The following MBD5 variants were observed in gnomAD, a reference collection of about 807,000 sequenced individuals.
MBD5 encodes methyl-CpG binding domain protein 5.
MBD5 carries 13 observed loss-of-function variants against 117.3 expected under a neutral mutation model. The observed-to-expected ratio is 0.11, with a 90% confidence interval of 0.07 to 0.18. The LOEUF (loss-of-function observed/expected upper bound fraction) is 0.18. Ranked by LOEUF, MBD5 falls within the 10% of genes least tolerant of loss-of-function variation. The pLI is 1.00. For synonymous variants in MBD5, 727 were observed against 766.4 expected (o/e 0.95, Z 0.85); for missense variants, 1,879 against 2,093.8 (o/e 0.90, Z 2.00).
chr2:148,323,107 G>C (rs181335566), intron 3 of MBD5, among the ~76,000 whole-genome samples: 1,679 of 151,098 alleles, frequency 0.011, 14 homozygotes, highest in Middle Eastern at 0.021. Flanking sequence ...TTGGTTTTTT[G>C]TTCTTGCGAT....
At chr2:148,381,985 T>A (rs1351512105) in intron 4 of MBD5, among the ~76,000 whole-genome samples, 3 of 152,168 alleles carry the variant, frequency 2.0e-5, no homozygotes, top group Admixed American at 6.5e-5. Context: ...GAACAACCGG[T>A]ACTAGCCACT....
chr2:148,189,028 C>T (rs374077993), intron 2 of MBD5, among the ~76,000 whole-genome samples: 23 of 146,126 alleles, frequency 1.6e-4, no homozygotes, highest in African/African-American at 5.4e-4. Flanking sequence ...CACTCCCACC[C>T]GAATATTGCG....
chr2:148,424,930 C>G (rs547024446), intron 4 of MBD5, among the ~76,000 whole-genome samples: 1 of 151,996 alleles, frequency 6.6e-6, no homozygotes, highest in Non-Finnish European at 1.5e-5. Context: ...CAAGAGAAAG[C>G]GGGAAAGATC....
intron 3 of MBD5, among the ~76,000 whole-genome samples, chr2:148,272,445 T>C (rs922663353): frequency 6.6e-6 from 1 of 151,938 alleles, no homozygotes; most frequent in African/African-American, 2.4e-5. Flanking sequence ...TCAATACTTA[T>C]TTTTTTTGTT....
intron 4 of MBD5, among the ~76,000 whole-genome samples, chr2:148,405,636 C>G (rs1320288584): frequency 2.0e-5 from 3 of 152,182 alleles, no homozygotes; most frequent in African/African-American, 7.2e-5. Context: ...CGCTAAAGGA[C>G]TGAATCTTAG....
intron 3 of MBD5, among the ~76,000 whole-genome samples, chr2:148,248,847 G>A (rs1250141794): frequency 6.6e-6 from 1 of 151,840 alleles, no homozygotes; most frequent in Non-Finnish European, 1.5e-5. Context: ...GTGGTAAGTT[G>A]GTATATAAAA....
At chr2:148,362,487 CA>C (rs1703569721) in intron 4 of MBD5, among the ~76,000 whole-genome samples, 1 of 152,170 alleles carries the variant, frequency 6.6e-6, no homozygotes, top group Non-Finnish European at 1.5e-5. Flanking sequence ...CATCCCCAGT[CA>C]GGGACATATA....
intron 1 of MBD5, among the ~76,000 whole-genome samples, chr2:148,087,416 G>A (rs541929626): frequency 4.7e-4 from 72 of 152,268 alleles, no homozygotes; most frequent in African/African-American, 1.6e-3. Context: ...ACCAGCATTC[G>A]AGAATGCTAG....
At chr2:148,036,746 A>G (rs1694206152) in intron 1 of MBD5, among the ~76,000 whole-genome samples, 3 of 152,096 alleles carry the variant, frequency 2.0e-5, no homozygotes, top group African/African-American at 2.4e-5. Flanking sequence ...AGTGATTCCA[A>G]GTTTCAGGGA....
chr2:148,479,335 T>C (rs1681070309), intron 8 of MBD5, among the ~76,000 whole-genome samples: 1 of 152,158 alleles, frequency 6.6e-6, no homozygotes, highest in Non-Finnish European at 1.5e-5. Flanking sequence ...TTTCACTTTC[T>C]CCACAAACGG....
chr2:148,221,616 A>AT (rs2106074579), intron 2 of MBD5, among the ~76,000 whole-genome samples: 1 of 151,986 alleles, frequency 6.6e-6, no homozygotes, highest in South Asian at 2.1e-4. Context: ...AGATTATCAG[A>AT]TTTTTTCCCA....
chr2:148,021,501 G>T lies in MBD5; in HGVS notation c.-1108G>T. The T allele has an allele frequency of 1.8e-6, 1 of 563,206 alleles. No homozygotes were observed. The allele number at this position is 563,206 out of a possible 1,614,324, so 34.9% of individuals were successfully genotyped here. ...TGCTGTTGCTGCTGCTGCTGCTACTGCTGCTGCTGCTACTGCTGCTGCTTG... is the reference window on the plus strand; with the variant it reads ...TGCTGTTGCTGCTGCTGCTGCTACTTCTGCTGCTGCTACTGCTGCTGCTTG... On this transcript the variant is annotated 5_prime_UTR_variant, in exon 1 of 14. Coordinates refer to ENST00000642680, the MANE Select transcript of MBD5 (RefSeq NM_001378120.1).
chr2:148,335,341 G>A (rs931483752), intron 3 of MBD5, among the ~76,000 whole-genome samples: 7 of 151,872 alleles, frequency 4.6e-5, no homozygotes, highest in Admixed American at 1.3e-4. Context: ...AGATCCCACC[G>A]CCACACTCCA....
chr2:148,244,857 G>A (rs1053021287), intron 3 of MBD5, among the ~76,000 whole-genome samples: 2 of 152,082 alleles, frequency 1.3e-5, no homozygotes, highest in Non-Finnish European at 2.9e-5. Flanking sequence ...AGACATGCGA[G>A]GTTTTTTTTC....
intron 1 of MBD5, among the ~76,000 whole-genome samples, chr2:148,049,737 C>T (rs1334251666): frequency 1.3e-5 from 2 of 152,130 alleles, no homozygotes; most frequent in African/African-American, 2.4e-5. Context: ...CTTCCCATAT[C>T]GTCTGGCAAC....
intron 3 of MBD5, among the ~76,000 whole-genome samples, chr2:148,327,913 C>T (rs904137653): frequency 5.3e-5 from 8 of 152,090 alleles, no homozygotes; most frequent in Non-Finnish European, 1.0e-4. Context: ...GGAGGAGAGG[C>T]GCTCTGCTTT....
chr2:148,133,399 T>G (rs1345658857), intron 1 of MBD5, among the ~76,000 whole-genome samples: 1 of 152,250 alleles, frequency 6.6e-6, no homozygotes, highest in African/African-American at 2.4e-5. Flanking sequence ...GAATTTGCCC[T>G]TGTTTATATC....
intron 2 of MBD5, among the ~76,000 whole-genome samples, chr2:148,208,904 T>C (rs1465072621): frequency 6.6e-6 from 1 of 152,206 alleles, no homozygotes; most frequent in Non-Finnish European, 1.5e-5. Context: ...CAAAGGAATT[T>C]ATTTGAAGCA....
chr2:148,206,391 C>T (rs915643268), intron 2 of MBD5, among the ~76,000 whole-genome samples: 12 of 152,104 alleles, frequency 7.9e-5, no homozygotes, highest in African/African-American at 2.4e-4. Context: ...TGTTTTGATA[C>T]ATGTATACAG....
Sources: gnomAD v4.1 joint callset for allele counts (sites outside exome capture counted in the v4.1 genomes callset) on GRCh38, gnomAD v4.1.1 for gene constraint, MANE v1.5 for transcripts, NCBI Gene and HGNC (gene_info 2026-07-23, HGNC 2026-07-21) for gene names.